Variants in MYH16 observed in about 807,000 individuals in gnomAD.
The protein encoded by MYH16 is myosin heavy chain 16.
chr7:99,273,350 T>C, exon 20 of MYH16: 3 of 456,724 alleles, frequency 6.6e-6, no homozygotes, highest in South Asian at 3.1e-5. Flanking sequence ...AGAATGGGCC[T>C]GAAAGTCATT....
At chr7:99,285,545 G>A (rs1792266075) in intron 27 of MYH16, 107 bp downstream of exon 9, 3 of 423,684 alleles carry the variant, frequency 7.1e-6, no homozygotes, top group African/African-American at 6.2e-5. Flanking sequence ...GAAGGCAGGT[G>A]TCCAGCTAAA....
At chr7:99,307,853 C>G (rs185995714), downstream of MYH16, among the ~76,000 whole-genome samples, 4 of 152,158 alleles carry the variant, frequency 2.6e-5, no homozygotes, top group Admixed American at 2.6e-4. Context: ...GTAGCTAGGA[C>G]TACAGGTGCA....
intron 33 of MYH16, among the ~76,000 whole-genome samples, chr7:99,296,403 C>G (rs1304020105): frequency 6.6e-6 from 1 of 151,684 alleles, no homozygotes; most frequent in Non-Finnish European, 1.5e-5. Flanking sequence ...TCTGGGAAGG[C>G]CGCTGTGGCC....
intron 14 of MYH16, chr7:99,263,493 C>T (rs565688248): frequency 1.3e-5 from 2 of 152,748 alleles, no homozygotes; most frequent in South Asian, 4.1e-4. Flanking sequence ...TCCAGTATCC[C>T]TGTGCTGATG....
At chr7:99,294,663 T>G (rs1792454073) in intron 33 of MYH16, among the ~76,000 whole-genome samples, 1 of 151,714 alleles carries the variant, frequency 6.6e-6, no homozygotes, top group African/African-American at 2.4e-5. Flanking sequence ...CCTCCTGGAT[T>G]CAAGCAATTC....
Position 99,249,582 on chromosome 7 carries a change from T to G in MYH16, n.540-397T>G, listed in dbSNP as rs1180027511. Among the ~76,000 whole-genome samples, 26 of 141,918 alleles carry G rather than the reference T, an allele frequency of 1.8e-4. No individual in the cohort carries two copies. In the East Asian group the frequency reaches 2.0e-3, roughly 11 times the overall value. 93.1% of individuals were successfully genotyped at this position (141,918 alleles called of 152,430 possible). A position where few individuals can be genotyped will look rare whatever the true frequency, so the allele number is the denominator to read the frequency against. ...GAAAAGAAAAGTGCTGTTTTTTTTT[T>G]TTTTTTTTTTTTTTTGAGATGGAGT... On this transcript the variant is annotated intron_variant and non_coding_transcript_variant, in intron 4 of 41. Coordinates refer to ENST00000439784, the Ensembl canonical transcript of MYH16.
intron 18 of MYH16, chr7:99,267,093 C>A (rs771292441): frequency 6.6e-6 from 1 of 152,320 alleles, no homozygotes; most frequent in African/African-American, 2.4e-5. Flanking sequence ...GGCAAGTCTG[C>A]CAGCTGCTGA....
chr7:99,311,026 T>C (rs1039141212), downstream of MYH16: 1 of 152,196 alleles, frequency 6.6e-6, no homozygotes. Context: ...AAGGACGGAA[T>C]ATGTAATGTC....
intron 6 of MYH16, among the ~76,000 whole-genome samples, chr7:99,251,639 T>TA (rs1170987359): frequency 6.6e-6 from 1 of 152,196 alleles, no homozygotes; most frequent in Non-Finnish European, 1.5e-5. Context: ...ACCCAAGTGT[T>TA]ACATTTCTCA....
intron 8 of MYH16, among the ~76,000 whole-genome samples, chr7:99,254,473 G>T (rs559896125): frequency 6.6e-6 from 1 of 152,038 alleles, no homozygotes; most frequent in Non-Finnish European, 1.5e-5. Context: ...TCTGATACTC[G>T]GGCACCAGCA....
intron 11 of MYH16, among the ~76,000 whole-genome samples, chr7:99,259,845 A>ACG (rs1554336605): frequency 7.3e-6 from 1 of 137,370 alleles, no homozygotes; most frequent in African/African-American, 3.1e-5. Context: ...ATATGTATGT[A>ACG]TGTGTATATA....
chr7:99,279,297 T>C (rs1034358806), intron 21 of MYH16, among the ~76,000 whole-genome samples: 1 of 142,726 alleles, frequency 7.0e-6, no homozygotes, highest in Non-Finnish European at 1.5e-5. Flanking sequence ...AGGTCTAGAC[T>C]GCAGTGAGCT....
rs919757939 is a variant in MYH16 at position 99,279,490 on chromosome 7, G to A, written n.2660-20G>A. 15 of 456,018 alleles carry A rather than the reference G, an allele frequency of 3.3e-5. No individual in the cohort carries two copies. The highest frequency in any genetic ancestry group is 5.7e-5 in the Non-Finnish European group (13 of 226,714). The allele number at this position is 456,018 out of a possible 1,614,324, so 28.2% of individuals were successfully genotyped here. A position where few individuals can be genotyped will look rare whatever the true frequency, so the allele number is the denominator to read the frequency against. ...CTTTGCCTGGACCCTGTCCTCGACC[G>A]GGGCTCTTTCTCCCAACAGGAGCAA... On this transcript the variant is annotated intron_variant and non_coding_transcript_variant, in intron 21 of 41. Coordinates refer to ENST00000439784, the Ensembl canonical transcript of MYH16.
chr7:99,305,015 C>A (rs2150839626), intron 40 of MYH16, among the ~76,000 whole-genome samples: 1 of 151,772 alleles, frequency 6.6e-6, no homozygotes, highest in South Asian at 2.1e-4. Flanking sequence ...GTGAGACCTC[C>A]ATCTCTTAAA....
chr7:99,299,204 C>A (rs1302564869), intron 36 of MYH16, among the ~76,000 whole-genome samples: 1 of 152,156 alleles, frequency 6.6e-6, no homozygotes, highest in Non-Finnish European at 1.5e-5. Flanking sequence ...TATGATCACA[C>A]TACTACACCA....
chr7:99,297,439 A>T (rs761805702), intron 34 of MYH16, among the ~76,000 whole-genome samples: 6 of 152,120 alleles, frequency 3.9e-5, no homozygotes, highest in Non-Finnish European at 7.3e-5. Flanking sequence ...TCCCAAAAAT[A>T]AATTAATTAA....
chr7:99,305,119 G>C (rs1052072999), intron 40 of MYH16, among the ~76,000 whole-genome samples: 1 of 152,070 alleles, frequency 6.6e-6, no homozygotes, highest in Non-Finnish European at 1.5e-5. Context: ...AGCCCAGGAG[G>C]TTGAGGCTAC....
downstream of MYH16, among the ~76,000 whole-genome samples, chr7:99,308,190 G>A (rs536794998): frequency 6.6e-6 from 1 of 151,460 alleles, no homozygotes; most frequent in Admixed American, 6.6e-5. Flanking sequence ...AGCTGCTCGG[G>A]AGGCTGAGGC....
intron 30 of MYH16, among the ~76,000 whole-genome samples, chr7:99,290,191 A>C (rs971141559): frequency 6.6e-6 from 1 of 152,154 alleles, no homozygotes; most frequent in African/African-American, 2.4e-5. Flanking sequence ...GGAATTCTTT[A>C]ACAATATCCT....
Sources: gnomAD v4.1 joint callset for allele counts (sites outside exome capture counted in the v4.1 genomes callset) on GRCh38, gnomAD v4.1.1 for gene constraint, MANE v1.5 for transcripts, NCBI Gene and HGNC (gene_info 2026-07-23, HGNC 2026-07-21) for gene names.